NRXN3: variants seen among roughly 807,000 people sequenced by gnomAD.
NRXN3 encodes neurexin 3, also known as neurexin III.
A neutral mutation model predicts 137.6 loss-of-function variants in NRXN3; 32 were observed. That is an observed-to-expected ratio of 0.23 (90% CI 0.18 to 0.31). The LOEUF is 0.31. NRXN3 is among the 10% of genes least tolerant of loss of function. The pLI, the probability that NRXN3 is intolerant of heterozygous loss-of-function variation, is 1.00. For missense variants in NRXN3, 1,574 were observed against 2,062.5 expected, an observed-to-expected ratio of 0.76 and a Z score of 4.59; for synonymous variants, 798 against 784.5, an observed-to-expected ratio of 1.02 and a Z score of -0.29.
chr14:79,266,351 A>G (rs2078462813), intron 15 of NRXN3, among the ~76,000 whole-genome samples: 1 of 151,878 alleles, frequency 6.6e-6, no homozygotes, highest in African/African-American at 2.4e-5. Context: ...TCCAGCTATA[A>G]AGGTTATATA....
chr14:79,042,293 G>A (rs1323707612), intron 15 of NRXN3, among the ~76,000 whole-genome samples: 1 of 152,166 alleles, frequency 6.6e-6, no homozygotes. Context: ...TCTCCATTAA[G>A]CAGTAAACAC....
In NRXN3 at chr14:78,242,809, C is replaced by T; in HGVS notation, c.-285C>T. On this transcript the variant is annotated 5_prime_UTR_variant, in exon 2 of 21. Transcript: ENST00000335750. The stretch of plus-strand genomic sequence containing the variant: ...GAGAAAGACGCTTTCCTCTTTACTC[C>T]AGTCCCTCACTTCCCCACCTGATTT... 2.3e-6 allele frequency: 1 copy of T among 438,950 alleles called. No homozygotes were observed. Among genetic ancestry groups the T allele is most frequent in the Non-Finnish European group, 4.0e-6 (1 of 249,614 alleles). 27.2% of individuals were successfully genotyped at this position (438,950 alleles called of 1,614,324 possible).
At chr14:78,359,017 A>G (rs1159009969) in intron 4 of NRXN3, among the ~76,000 whole-genome samples, 1 of 152,192 alleles carries the variant, frequency 6.6e-6, no homozygotes, top group African/African-American at 2.4e-5. Flanking sequence ...TTTCCTTTAT[A>G]CTAATAACCT....
At chr14:78,457,259 G>A (rs964866373) in intron 4 of NRXN3, among the ~76,000 whole-genome samples, 7 of 151,986 alleles carry the variant, frequency 4.6e-5, no homozygotes, top group African/African-American at 1.2e-4. Context: ...GGCTGGTCTC[G>A]AACTCCTGGT....
intron 15 of NRXN3, among the ~76,000 whole-genome samples, chr14:79,445,384 TCA>T (rs955968231): frequency 6.6e-6 from 1 of 151,938 alleles, no homozygotes; most frequent in Non-Finnish European, 1.5e-5. Flanking sequence ...ATGTATTCAC[TCA>T]ATATGATTAA....
chr14:78,589,550 G>C (rs944218794), intron 4 of NRXN3, among the ~76,000 whole-genome samples: 1 of 152,104 alleles, frequency 6.6e-6, no homozygotes, highest in Non-Finnish European at 1.5e-5. Flanking sequence ...TGCCTCTGGC[G>C]GTCTCTTGCA....
chr14:79,709,022 C>T (rs1028249097), intron 19 of NRXN3, among the ~76,000 whole-genome samples: 2 of 151,846 alleles, frequency 1.3e-5, no homozygotes, highest in African/African-American at 4.8e-5. Context: ...GGAGGATGCT[C>T]GTGTTTGCTT....
chr14:78,935,325 G>A (rs2099333391), intron 10 of NRXN3, among the ~76,000 whole-genome samples: 1 of 152,154 alleles, frequency 6.6e-6, no homozygotes, highest in South Asian at 2.1e-4. Context: ...TCTGGCTCTG[G>A]AATTCCAGGT....
At chr14:79,766,047 T>C (rs2099054957) in intron 19 of NRXN3, among the ~76,000 whole-genome samples, 1 of 152,214 alleles carries the variant, frequency 6.6e-6, no homozygotes, top group Admixed American at 6.5e-5. Flanking sequence ...AGCATACCTG[T>C]ATTCAGGAAC....
chr14:79,132,024 G>A (rs865851774), intron 15 of NRXN3, among the ~76,000 whole-genome samples: 64 of 152,362 alleles, frequency 4.2e-4, no homozygotes, highest in Non-Finnish European at 1.9e-4. Flanking sequence ...GCAATGCCTC[G>A]CCCTGCTTCA....
intron 4 of NRXN3, among the ~76,000 whole-genome samples, chr14:78,511,040 T>G (rs1468881879): frequency 6.6e-6 from 1 of 152,208 alleles, no homozygotes; most frequent in Non-Finnish European, 1.5e-5. Context: ...ATTTCTCACT[T>G]CTTCCATAAC....
At chr14:79,458,108 T>C (rs2096280589) in intron 15 of NRXN3, among the ~76,000 whole-genome samples, 1 of 152,172 alleles carries the variant, frequency 6.6e-6, no homozygotes, top group Non-Finnish European at 1.5e-5. Context: ...CACGTTGCTT[T>C]TCTGTTGTAC....
chr14:78,364,680 G>T (rs181154203), intron 4 of NRXN3, among the ~76,000 whole-genome samples: 60 of 152,312 alleles, frequency 3.9e-4, no homozygotes, highest in Admixed American at 2.3e-3. Context: ...TCACGTTTTA[G>T]TTGTGCCTAG....
At chr14:79,389,166 T>C (rs2094753723) in intron 15 of NRXN3, among the ~76,000 whole-genome samples, 1 of 152,210 alleles carries the variant, frequency 6.6e-6, no homozygotes, top group Non-Finnish European at 1.5e-5. Flanking sequence ...TCTTAGTTTT[T>C]TCTGTGCTGC....
intron 1 of NRXN3, among the ~76,000 whole-genome samples, chr14:78,191,490 G>C (rs2060722927): frequency 6.6e-6 from 1 of 152,196 alleles, no homozygotes; most frequent in African/African-American, 2.4e-5. Flanking sequence ...TGAGGCTGTG[G>C]GAGGAGGCTG....
chr14:79,765,111 T>C (rs949189199), intron 19 of NRXN3, among the ~76,000 whole-genome samples: 1 of 152,222 alleles, frequency 6.6e-6, no homozygotes, highest in African/African-American at 2.4e-5. Context: ...TTCTTTTTAG[T>C]GTTTCCATTT....
At chr14:78,950,981 C>T (rs1597801041) in intron 10 of NRXN3, among the ~76,000 whole-genome samples, 1 of 152,066 alleles carries the variant, frequency 6.6e-6, no homozygotes, top group East Asian at 1.9e-4. Flanking sequence ...CAGAGCAAAC[C>T]CTAGGAATCA....
intron 4 of NRXN3, among the ~76,000 whole-genome samples, chr14:78,463,042 C>T (rs1204764962): frequency 3.9e-5 from 6 of 152,120 alleles, no homozygotes; most frequent in African/African-American, 7.2e-5. Context: ...TTATTCTACT[C>T]GGTACACCCA....
At chr14:79,820,365 C>T (rs560722307) in intron 20 of NRXN3, among the ~76,000 whole-genome samples, 3 of 152,106 alleles carry the variant, frequency 2.0e-5, no homozygotes, top group Non-Finnish European at 4.4e-5. Context: ...AAGGAGCATC[C>T]TATGTCCTGA....
Sources: allele counts gnomAD v4.1 joint callset (sites outside exome capture counted in the v4.1 genomes callset), GRCh38; gene constraint gnomAD v4.1.1; transcripts MANE v1.5; gene names NCBI Gene and HGNC (gene_info 2026-07-23, HGNC 2026-07-21).